The following BACH2 variants were observed in gnomAD, a reference collection of about 807,000 sequenced individuals.
BACH2 encodes transcription regulator protein BACH2.
BACH2 carries 5 observed loss-of-function variants against 61.8 expected under a neutral mutation model. That is an observed-to-expected ratio of 0.08 (90% confidence interval 0.04 to 0.17). The LOEUF is 0.17. Ranked by LOEUF, BACH2 falls within the 10% of genes least tolerant of loss-of-function variation. The pLI, the probability that BACH2 is intolerant of heterozygous loss-of-function variation, is 1.00. For synonymous variants in BACH2, 446 were observed against 440.1 expected (o/e 1.01, Z -0.17); for missense variants, 824 against 1,091.1 (o/e 0.76, Z 3.45).
intron 5 of BACH2, among the ~76,000 whole-genome samples, chr6:90,037,441 C>T (rs1257167180): frequency 6.6e-6 from 1 of 152,204 alleles, no homozygotes; most frequent in Non-Finnish European, 1.5e-5. Context: ...AAAGGCTCTT[C>T]ATTTATTTTC....
intron 4 of BACH2, among the ~76,000 whole-genome samples, chr6:90,201,697 T>A (rs1330485536): frequency 2.0e-5 from 3 of 152,204 alleles, no homozygotes; most frequent in African/African-American, 7.2e-5. Flanking sequence ...TCCTTGATAA[T>A]TTCTGACACT....
Position 90,182,053 on chromosome 6 carries a change from C to T in BACH2, c.-162+24516G>A, listed in dbSNP as rs142319999. On this transcript the variant is annotated intron_variant, in intron 4 of 8. Transcript: ENST00000257749. ...AGGAGCTGCTTTCAAAACAACCAAT[C>T]GTCCTTTGAACCTCTCACTTCTGGG... Among the ~76,000 whole-genome samples, 70 of 152,260 alleles carry T rather than the reference C, an allele frequency of 4.6e-4. 1 individual carries two copies. In the East Asian group the frequency reaches 0.013, roughly 28 times the overall value.
intron 5 of BACH2, among the ~76,000 whole-genome samples, chr6:90,068,851 G>A (rs140922911): frequency 5.9e-5 from 9 of 152,170 alleles, no homozygotes; most frequent in East Asian, 3.9e-4. Context: ...AATTAGCATC[G>A]TTTTCCTGTA....
At chr6:90,258,633 G>A (rs866415994) in intron 2 of BACH2, among the ~76,000 whole-genome samples, 3 of 152,014 alleles carry the variant, frequency 2.0e-5, no homozygotes, top group East Asian at 1.9e-4. Flanking sequence ...AGATTGCACC[G>A]AATCTGTATA....
intron 6 of BACH2, among the ~76,000 whole-genome samples, chr6:89,992,415 T>C (rs1776627645): frequency 6.6e-6 from 1 of 151,188 alleles, no homozygotes; most frequent in Non-Finnish European, 1.5e-5. Flanking sequence ...CCAAGGCGGG[T>C]GGATCCCCTG....
At chr6:90,082,336 C>G (rs575197420) in intron 5 of BACH2, among the ~76,000 whole-genome samples, 106 of 152,160 alleles carry the variant, frequency 7.0e-4, no homozygotes, top group African/African-American at 2.5e-3. Context: ...TTTTGACTGA[C>G]AGAAGGTAGA....
chr6:90,296,154 T>A, intron 1 of BACH2, among the ~76,000 whole-genome samples: 1 of 152,062 alleles, frequency 6.6e-6, no homozygotes, highest in African/African-American at 2.4e-5. Flanking sequence ...TATTACTCTC[T>A]GCTCCTCCTC....
intron 3 of BACH2, among the ~76,000 whole-genome samples, chr6:90,209,606 T>A (rs758268148): frequency 6.6e-6 from 1 of 152,150 alleles, no homozygotes; most frequent in Non-Finnish European, 1.5e-5. Context: ...TATGTACACA[T>A]TGGTATCAAC....
At position 90,296,647 on chromosome 6, in the gene BACH2, G is replaced by C. The variant is rs1299951861; in HGVS notation, c.-613C>G. 1.3e-5 allele frequency: 2 copies of C among 152,920 alleles called. No homozygotes were observed. Among genetic ancestry groups the C allele is most frequent in the Admixed American group, 6.6e-5 (1 of 15,260 alleles). 9.5% of individuals were successfully genotyped at this position (152,920 alleles called of 1,614,324 possible). A position where few individuals can be genotyped will look rare whatever the true frequency, so the allele number is the denominator to read the frequency against. ...GTTCCCAGCCCCCCGAGTGCGCCGG[G>C]AAGGGGGAGGGGAAGGGGCGAGGGG... is the stretch of plus-strand genomic sequence containing the variant. On this transcript the variant is annotated 5_prime_UTR_variant, in exon 1 of 9. Coordinates refer to ENST00000257749, the MANE Select transcript of BACH2 (RefSeq NM_021813.4).
At chr6:89,980,347 G>A (rs187843259) in intron 6 of BACH2, among the ~76,000 whole-genome samples, 8 of 152,022 alleles carry the variant, frequency 5.3e-5, no homozygotes, top group African/African-American at 1.9e-4. Context: ...CATCATCCTT[G>A]GTAAAATGAA....
chr6:89,942,097 T>C (rs1773468822), intron 7 of BACH2, among the ~76,000 whole-genome samples: 1 of 152,160 alleles, frequency 6.6e-6, no homozygotes, highest in Admixed American at 6.5e-5. Flanking sequence ...CAACTCACTC[T>C]TGTTTCTCTT....
At chr6:90,045,228 T>A (rs948907528) in intron 5 of BACH2, among the ~76,000 whole-genome samples, 1 of 152,206 alleles carries the variant, frequency 6.6e-6, no homozygotes, top group South Asian at 2.1e-4. Flanking sequence ...AAAGCCTGCA[T>A]CCTAAATTAT....
chr6:90,270,085 T>C (rs1365430940), intron 2 of BACH2, among the ~76,000 whole-genome samples: 1 of 152,200 alleles, frequency 6.6e-6, no homozygotes, highest in Non-Finnish European at 1.5e-5. Context: ...GGCTGAGTAG[T>C]ATTTCATGAT....
At chr6:90,289,675 CAAACAA>C (rs1027037669) in intron 1 of BACH2, among the ~76,000 whole-genome samples, 116 of 152,216 alleles carry the variant, frequency 7.6e-4, no homozygotes, top group African/African-American at 2.8e-3. Context: ...AAAAAACAAA[CAAACAA>C]AAACAAAAAC....
intron 4 of BACH2, among the ~76,000 whole-genome samples, chr6:90,169,141 G>A (rs1036622730): frequency 4.6e-5 from 7 of 150,682 alleles, no homozygotes; most frequent in Admixed American, 4.0e-4. Context: ...GATGTTAACA[G>A]TTGCTTTCTC....
rs912587291 is a variant in BACH2, at chr6:90,195,147, T to C, written c.-162+11422A>G. Reference sequence around the variant, plus strand: ...GGTGATTCTGCAGCTATGGATTTTATGTGCAATAAAAAAATGCTTCTCCTG... The same window carrying C: ...GGTGATTCTGCAGCTATGGATTTTACGTGCAATAAAAAAATGCTTCTCCTG... On this transcript the variant is annotated intron_variant, in intron 4 of 8. Transcript: ENST00000257749. 5.9e-5 allele frequency among the ~76,000 whole-genome samples: 9 copies of C among 152,270 alleles called. No individual in the cohort carries two copies. The South Asian group carries it at 6.2e-4, about 11-fold the overall frequency.
chr6:90,195,239 G>C lies in BACH2; in HGVS notation c.-162+11330C>G, dbSNP rs1426728158. ...TCTCTCCTCCTTGTCTCTTTGTTGT[G>C]AATGTCAGGGCTGTCAGTGTCACAG... On this transcript the variant is annotated intron_variant, in intron 4 of 8. Coordinates refer to ENST00000257749, the MANE Select transcript of BACH2 (RefSeq NM_021813.4). Among the ~76,000 whole-genome samples the C allele has an allele frequency of 6.6e-5, 10 of 152,116 alleles. No individual in the cohort carries two copies. The East Asian group carries it at 1.9e-3, about 29-fold the overall frequency.
At chr6:90,258,406 T>C (rs994967948) in intron 2 of BACH2, among the ~76,000 whole-genome samples, 3 of 152,220 alleles carry the variant, frequency 2.0e-5, no homozygotes, top group Non-Finnish European at 4.4e-5. Flanking sequence ...CTCTCTATTC[T>C]GTTCCACTGG....
chr6:90,108,676 C>T (rs1783030768), intron 4 of BACH2, among the ~76,000 whole-genome samples: 1 of 152,188 alleles, frequency 6.6e-6, no homozygotes, highest in Non-Finnish European at 1.5e-5. Flanking sequence ...AGGAAGAGAA[C>T]CAAATGGTTG....
Sources: allele counts gnomAD v4.1 joint callset (sites outside exome capture counted in the v4.1 genomes callset), GRCh38; gene constraint gnomAD v4.1.1; transcripts MANE v1.5; gene names NCBI Gene and HGNC (gene_info 2026-07-23, HGNC 2026-07-21).